Variants in DCK observed in about 807,000 individuals in gnomAD.
DCK encodes deoxyadenosine kinase.
In DCK, 23 loss-of-function variants were observed where a neutral mutation model predicts 38.3. The ratio of observed to expected loss-of-function variants is 0.60; its 90% CI spans 0.43 to 0.85. The LOEUF (loss-of-function observed/expected upper bound fraction) is 0.85. Ranked by LOEUF, DCK falls within the 40% of genes least tolerant of loss-of-function variation. The pLI is 0.00. For synonymous variants in DCK, 108 were observed against 100.6 expected (o/e 1.07, Z -0.44); for missense variants, 259 against 304.4 (o/e 0.85, Z 1.11).
At chr4:71,009,946 T>C (rs1054973757) in intron 2 of DCK, among the ~76,000 whole-genome samples, 10 of 152,170 alleles carry the variant, frequency 6.6e-5, no homozygotes, top group Non-Finnish European at 1.3e-4. Flanking sequence ...ATAGTATGAA[T>C]CACCCACTAT....
chr4:70,998,245 CTCTTTT>C lies in DCK; in HGVS notation c.207+78_207+83del, dbSNP rs1196582225. Reference sequence around the variant, plus strand: ...GTTTAGAGGAGCAGTAGTACTTAATCTCTTTTTCTTTTTCTTTTTCAATAAAACTTT... The same window carrying C: ...GTTTAGAGGAGCAGTAGTACTTAATCTCTTTTTCTTTTTCAATAAAACTTT... On this transcript the variant is annotated intron_variant, in intron 2 of 6. Coordinates refer to ENST00000286648, the MANE Select transcript of DCK (RefSeq NM_000788.3). 187 of 740,924 alleles carry C rather than the reference CTCTTTT, an allele frequency of 2.5e-4. No homozygotes were observed. In the East Asian group the frequency reaches 3.1e-3, roughly 12 times the overall value. 45.9% of individuals were successfully genotyped at this position (740,924 alleles called of 1,614,324 possible). A position where few individuals can be genotyped will look rare whatever the true frequency, so the allele number is the denominator to read the frequency against.
chr4:71,007,900 T>C (rs1739988889), intron 2 of DCK, among the ~76,000 whole-genome samples: 1 of 152,136 alleles, frequency 6.6e-6, no homozygotes, highest in Non-Finnish European at 1.5e-5. Flanking sequence ...CTAATTTTTG[T>C]ATTTTTTATA....
Position 70,993,882 on chromosome 4 carries a change from C to A in DCK, c.47C>A (p.Ser16Tyr). 6 of 1,614,120 alleles carry A rather than the reference C, an allele frequency of 3.7e-6. No homozygotes were observed. The highest frequency in any genetic ancestry group is 5.1e-6 in the Non-Finnish European group (6 of 1,179,974). Residue 16 changes from serine to tyrosine, a missense_variant, in exon 1 of 7, where the codon TCT becomes TAT. By Grantham distance (144) the Ser-to-Tyr change is moderately radical (BLOSUM62 -2). Transcript: ENST00000286648. ...AGCTGCCCGTCTTTCTCAGCCAGCT[C>A]TGAGGGGACCCGCATCAAGAAAATC... ...KRSCPSFSASSEGTRIKKISI... is the reference protein window; with the variant it reads ...KRSCPSFSASYEGTRIKKISI...
intron 1 of DCK, 168 bp downstream of exon 1, chr4:70,994,094 C>T (rs1172095531): frequency 4.7e-6 from 3 of 633,778 alleles, no homozygotes; most frequent in Non-Finnish European, 8.5e-6. Flanking sequence ...CCTTCCCTTA[C>T]CTCCCGCTCC....
At chr4:71,004,033 G>C (rs1020085200) in intron 2 of DCK, among the ~76,000 whole-genome samples, 1 of 152,206 alleles carries the variant, frequency 6.6e-6, no homozygotes, top group Non-Finnish European at 1.5e-5. Flanking sequence ...GAGGAGAAAA[G>C]ACATTCTGGT....
intron 2 of DCK, among the ~76,000 whole-genome samples, chr4:71,013,450 A>G (rs911384758): frequency 9.2e-5 from 14 of 152,230 alleles, no homozygotes; most frequent in Non-Finnish European, 1.8e-4. Flanking sequence ...TCCAAGACAC[A>G]TAATTGTCAG....
intron 2 of DCK, among the ~76,000 whole-genome samples, chr4:71,011,351 T>C (rs550747215): frequency 5.9e-5 from 9 of 151,644 alleles, no homozygotes; most frequent in Admixed American, 2.0e-4. Flanking sequence ...TTTGAATAGA[T>C]GTGATAACTT....
At chr4:71,016,479 A>G (rs528053762) in intron 2 of DCK, among the ~76,000 whole-genome samples, 96 of 152,308 alleles carry the variant, frequency 6.3e-4, no homozygotes, top group Non-Finnish European at 1.1e-3. Flanking sequence ...TTGCCAGGTA[A>G]ATCCTAAGCC....
rs575244378 is a variant in DCK, at chr4:71,023,746, G to T, written c.549+40G>T. On this transcript the variant is annotated intron_variant, in intron 4 of 6. Transcript: ENST00000286648. Reference sequence around the variant, plus strand: ...AAATGTGTTTCACTGAAAATTTAAAGAAATATTTAGAACTCTTTTCAGTGG... The same window carrying T: ...AAATGTGTTTCACTGAAAATTTAAATAAATATTTAGAACTCTTTTCAGTGG... The T allele has an allele frequency of 4.0e-5, 64 of 1,580,694 alleles. No individual in the cohort carries two copies. In the East Asian group the frequency reaches 1.3e-3, roughly 32 times the overall value.
At chr4:71,005,096 C>T (rs1739907403) in intron 2 of DCK, among the ~76,000 whole-genome samples, 1 of 152,190 alleles carries the variant, frequency 6.6e-6, no homozygotes, top group African/African-American at 2.4e-5. Context: ...GCTTGAAACC[C>T]AGGGCCCTTG....
rs536828254 is a variant in DCK, at chr4:71,028,781, G to T, written c.757-571G>T. 4.8e-5 allele frequency: 15 copies of T among 312,270 alleles called. No homozygotes were observed. In the East Asian group the frequency reaches 1.7e-3, roughly 36 times the overall value. 19.3% of individuals were successfully genotyped at this position (312,270 alleles called of 1,614,324 possible). ...CTAATTTTTTTTTTTTTTTGAGACGGAGTTTTGCTCTTGTTGCCCAGGCTG... is the reference window on the plus strand; with the variant it reads ...CTAATTTTTTTTTTTTTTTGAGACGTAGTTTTGCTCTTGTTGCCCAGGCTG... On this transcript the variant is annotated intron_variant, in intron 6 of 6. Coordinates refer to ENST00000286648, the MANE Select transcript of DCK (RefSeq NM_000788.3).
chr4:71,027,639 A>G (rs1740575779), intron 6 of DCK, among the ~76,000 whole-genome samples: 1 of 152,158 alleles, frequency 6.6e-6, no homozygotes, highest in African/African-American at 2.4e-5. Context: ...TTCATAAGGG[A>G]TATATCAAGG....
At chr4:71,026,842 C>T (rs993467815) in intron 6 of DCK, 87 bp downstream of exon 6, 100 of 671,456 alleles carry the variant, frequency 1.5e-4, no homozygotes, top group Non-Finnish European at 2.0e-4. Context: ...AACAGAAAAG[C>T]TTCCATAAAG....
At chr4:71,022,738 A>G (rs1740461078) in intron 3 of DCK, among the ~76,000 whole-genome samples, 178 bp downstream of exon 3, 1 of 152,044 alleles carries the variant, frequency 6.6e-6, no homozygotes, top group African/African-American at 2.4e-5. Flanking sequence ...TAGGGAAGTT[A>G]TTGCATTTAT....
intron 2 of DCK, among the ~76,000 whole-genome samples, chr4:71,010,659 A>G (rs1225826809): frequency 1.4e-5 from 2 of 147,660 alleles, no homozygotes; most frequent in African/African-American, 2.4e-5. Flanking sequence ...TAAATTATAT[A>G]CATAAGTTAT....
chr4:71,004,169 A>C (rs141901254), intron 2 of DCK, among the ~76,000 whole-genome samples: 2,106 of 152,134 alleles, frequency 0.014, 39 homozygotes, highest in Middle Eastern at 0.051. Flanking sequence ...GTTGATGTTG[A>C]TGCTATTGCT....
At chr4:71,008,127 G>T (rs911688253) in intron 2 of DCK, among the ~76,000 whole-genome samples, 3 of 152,178 alleles carry the variant, frequency 2.0e-5, no homozygotes, top group Non-Finnish European at 1.5e-5. Flanking sequence ...AAACAGCATT[G>T]CTGTGAACAT....
At chr4:71,013,331 C>T (rs1203015154) in intron 2 of DCK, among the ~76,000 whole-genome samples, 1 of 152,184 alleles carries the variant, frequency 6.6e-6, no homozygotes, top group African/African-American at 2.4e-5. Context: ...TTGGAAAACA[C>T]ACTTCAGGAT....
intron 6 of DCK, chr4:71,028,821 G>C (rs1175770108): frequency 6.7e-6 from 2 of 300,234 alleles, no homozygotes; most frequent in Non-Finnish European, 1.3e-5. Context: ...GCGATGGCGC[G>C]ATCTCAGCTC....
Sources: allele counts gnomAD v4.1 joint callset (sites outside exome capture counted in the v4.1 genomes callset), GRCh38; gene constraint gnomAD v4.1.1; transcripts MANE v1.5; gene names NCBI Gene and HGNC (gene_info 2026-07-23, HGNC 2026-07-21).